MCF2L2: variants seen among roughly 807,000 people sequenced by gnomAD.
MCF2L2 encodes probable guanine nucleotide exchange factor MCF2L2.
A neutral mutation model predicts 150.2 loss-of-function variants in MCF2L2; 102 were observed. The ratio of observed to expected loss-of-function variants is 0.68; its 90% CI spans 0.58 to 0.80. The LOEUF is 0.80. Among genes scored for constraint, MCF2L2 ranks in the 30% least tolerant of loss-of-function variants. The pLI is 0.00. For missense variants in MCF2L2, 1,256 were observed against 1,372.8 expected, an observed-to-expected ratio of 0.91 and a Z score of 1.34; for synonymous variants, 465 against 491.3, an observed-to-expected ratio of 0.95 and a Z score of 0.71.
intron 2 of MCF2L2, among the ~76,000 whole-genome samples, chr3:183,385,217 T>C (rs1713763922): frequency 2.0e-5 from 3 of 152,242 alleles, no homozygotes; most frequent in Admixed American, 6.5e-5. Context: ...TTAACCTTTT[T>C]AATATGGTTA....
rs1722255099 is a variant in MCF2L2, at chr3:183,200,882, T to A, written c.2884+4994A>T. ...CCAGCACTATTTATTAAATAGGGAATCCTTTCCCTATTTCTTGTTTTTGTC... is the reference window on the plus strand; with the variant it reads ...CCAGCACTATTTATTAAATAGGGAAACCTTTCCCTATTTCTTGTTTTTGTC... On this transcript the variant is annotated intron_variant, in intron 25 of 29. Transcript: ENST00000328913. 2.0e-5 allele frequency among the ~76,000 whole-genome samples: 3 copies of A among 152,244 alleles called. No homozygotes were observed. The South Asian group carries it at 6.2e-4, about 31-fold the overall frequency.
At chr3:183,223,263 G>A in intron 20 of MCF2L2, 83 bp downstream of exon 20, 1 of 1,019,330 alleles carries the variant, frequency 9.8e-7, no homozygotes, top group Non-Finnish European at 1.5e-6. Context: ...CCAAGGCACA[G>A]CTCTACATGT....
chr3:183,239,680 G>C (rs1048157347), intron 15 of MCF2L2, among the ~76,000 whole-genome samples: 4 of 149,860 alleles, frequency 2.7e-5, no homozygotes, highest in African/African-American at 7.4e-5. Flanking sequence ...TTGCCATCAA[G>C]AGTTTTCACT....
intron 1 of MCF2L2, among the ~76,000 whole-genome samples, chr3:183,413,216 A>G (rs1425656814): frequency 6.6e-6 from 1 of 152,186 alleles, no homozygotes; most frequent in African/African-American, 2.4e-5. Context: ...AAATACCTGT[A>G]TAACTTTTGA....
At chr3:183,194,526 C>T (rs912359731) in intron 26 of MCF2L2, among the ~76,000 whole-genome samples, 3 of 152,050 alleles carry the variant, frequency 2.0e-5, no homozygotes, top group Non-Finnish European at 4.4e-5. Context: ...TGCGTTTGCC[C>T]ACTCAGTAAA....
At chr3:183,193,791 C>T (rs1164299521) in intron 26 of MCF2L2, among the ~76,000 whole-genome samples, 5 of 152,172 alleles carry the variant, frequency 3.3e-5, no homozygotes, top group Admixed American at 6.5e-5. Flanking sequence ...TGAATAAACA[C>T]CTACTAAGCA....
intron 4 of MCF2L2, among the ~76,000 whole-genome samples, chr3:183,339,702 T>C (rs1263460014): frequency 1.3e-5 from 2 of 152,166 alleles, no homozygotes; most frequent in Non-Finnish European, 2.9e-5. Flanking sequence ...CAGGTCTCCA[T>C]GGAAACTGCC....
intron 15 of MCF2L2, among the ~76,000 whole-genome samples, chr3:183,262,206 T>C (rs754494559): frequency 1.9e-4 from 28 of 150,648 alleles, no homozygotes; most frequent in Non-Finnish European, 1.0e-4. Context: ...GTTAGTCTTG[T>C]TTTATGATAC....
In MCF2L2 at chr3:183,305,308, G is replaced by T. The variant is rs1481924426; in HGVS notation, c.1113+4408C>A. On this transcript the variant is annotated intron_variant, in intron 10 of 29. Transcript: ENST00000328913. The surrounding 1 kb of genome is among the most constrained non-coding windows in gnomAD (Gnocchi z 4.1). The stretch of plus-strand genomic sequence containing the variant: ...AATATAGAAACATGAGACTTGGCAT[G>T]AAAGTCTCTGTTGACACTTTTTTTT... Among the ~76,000 whole-genome samples the T allele has an allele frequency of 6.6e-6, 1 of 151,910 alleles. No individual in the cohort carries two copies. The highest frequency in any genetic ancestry group is 2.4e-5 in the African/African-American group (1 of 41,326).
intron 14 of MCF2L2, among the ~76,000 whole-genome samples, chr3:183,279,809 T>C (rs1201403804): frequency 6.6e-6 from 1 of 152,182 alleles, no homozygotes; most frequent in African/African-American, 2.4e-5. Flanking sequence ...GGCGAGTGGA[T>C]CACGAGGTCA....
chr3:183,250,453 G>A (rs1724464782), intron 15 of MCF2L2, among the ~76,000 whole-genome samples: 1 of 152,054 alleles, frequency 6.6e-6, no homozygotes, highest in African/African-American at 2.4e-5. Flanking sequence ...CAGGTGTGGT[G>A]GTGCATGACT....
intron 1 of MCF2L2, among the ~76,000 whole-genome samples, chr3:183,404,679 G>A (rs561123109): frequency 1.3e-5 from 2 of 152,266 alleles, no homozygotes; most frequent in South Asian, 2.1e-4. Context: ...TGGCCAACAT[G>A]GTGAAACCCC....
At chr3:183,247,324 C>T (rs559175288) in intron 15 of MCF2L2, among the ~76,000 whole-genome samples, 1 of 152,262 alleles carries the variant, frequency 6.6e-6, no homozygotes, top group East Asian at 1.9e-4. Context: ...AAGCAGGTTA[C>T]AGAAAAAGGG....
At chr3:183,364,271 C>T (rs992619821) in intron 3 of MCF2L2, among the ~76,000 whole-genome samples, 1 of 152,054 alleles carries the variant, frequency 6.6e-6, no homozygotes, top group Non-Finnish European at 1.5e-5. Context: ...AATCCCAGCA[C>T]TTTGGGAGGG....
At chr3:183,206,946 GAA>G (rs1491335251) in intron 23 of MCF2L2, among the ~76,000 whole-genome samples, 15 of 47,788 alleles carry the variant, frequency 3.1e-4, no homozygotes, top group African/African-American at 7.5e-4. Context: ...AGGAAGGAAG[GAA>G]GGAAGGAAGG....
At chr3:183,396,711 A>G (rs768602619) in intron 1 of MCF2L2, among the ~76,000 whole-genome samples, 22 of 152,204 alleles carry the variant, frequency 1.4e-4, no homozygotes, top group Non-Finnish European at 2.9e-4. Context: ...TTGGCTGGAA[A>G]TGGTCTGTGG....
intron 10 of MCF2L2, among the ~76,000 whole-genome samples, chr3:183,301,062 C>T (rs1476861123): frequency 6.6e-6 from 1 of 150,650 alleles, no homozygotes. Context: ...TAAACCCTTT[C>T]CCAAAGCCTG....
intron 15 of MCF2L2, among the ~76,000 whole-genome samples, chr3:183,262,018 A>G (rs1213753067): frequency 6.8e-6 from 1 of 147,370 alleles, no homozygotes; most frequent in Admixed American, 6.8e-5. Context: ...ATATATGAAT[A>G]TTTATTAATA....
chr3:183,269,675 C>T (rs1726549887), intron 15 of MCF2L2: 3 of 856,456 alleles, frequency 3.5e-6, no homozygotes, highest in African/African-American at 3.5e-5. Flanking sequence ...AAGAAGACTT[C>T]CATTTTTAAT....
Sources: allele counts gnomAD v4.1 joint callset (sites outside exome capture counted in the v4.1 genomes callset), GRCh38; gene constraint gnomAD v4.1.1; non-coding constraint Gnocchi (gnomAD v3.1); transcripts MANE v1.5; gene names NCBI Gene and HGNC (gene_info 2026-07-23, HGNC 2026-07-21).